The following IGF1R variants were observed in gnomAD, a reference collection of about 807,000 sequenced individuals.
IGF1R encodes insulin like growth factor 1 receptor, also known as insulin-like growth factor 1 receptor.
In IGF1R, 44 loss-of-function variants were observed where a neutral mutation model predicts 144.6. The observed-to-expected ratio is 0.30, with a 90% confidence interval of 0.24 to 0.39. The LOEUF is 0.39. Among genes scored for constraint, IGF1R ranks in the 10% least tolerant of loss-of-function variants. IGF1R has a pLI of 1.00. For synonymous variants in IGF1R, 795 were observed against 722.8 expected (o/e 1.10, Z -1.60); for missense variants, 1,355 against 1,833.7 (o/e 0.74, Z 4.77).
intron 2 of IGF1R, among the ~76,000 whole-genome samples, chr15:98,741,806 G>A (rs2054752729): frequency 6.6e-6 from 1 of 152,194 alleles, no homozygotes; most frequent in Admixed American, 6.5e-5. Context: ...TTAAAGGCAT[G>A]TCTCTGTTTT....
At chr15:98,708,648 TATG>T (rs1273471895) in intron 2 of IGF1R, among the ~76,000 whole-genome samples, 1 of 152,216 alleles carries the variant, frequency 6.6e-6, no homozygotes, top group African/African-American at 2.4e-5. Flanking sequence ...GTGATGATGT[TATG>T]ATACTCAGGT....
intron 1 of IGF1R, among the ~76,000 whole-genome samples, chr15:98,683,132 A>G (rs930802394): frequency 6.6e-6 from 1 of 151,888 alleles, no homozygotes; most frequent in African/African-American, 2.4e-5. Context: ...CTTTGTTTCC[A>G]TAGGATCTGA....
rs371288674 is a variant in IGF1R, at chr15:98,903,667, G to A, written c.1247+4046G>A. Among the ~76,000 whole-genome samples the A allele has an allele frequency of 2.6e-5, 4 of 152,348 alleles. No individual in the cohort carries two copies. In the South Asian group the frequency reaches 6.2e-4, roughly 24 times the overall value. Reference sequence around the variant, plus strand: ...AAGACCCACTGGAAACCATTCAGATGTTCATCAGCAGATGAGTGGATAGAA... The same window carrying A: ...AAGACCCACTGGAAACCATTCAGATATTCATCAGCAGATGAGTGGATAGAA... On this transcript the variant is annotated intron_variant, in intron 5 of 20. Transcript: ENST00000650285.
intron 1 of IGF1R, among the ~76,000 whole-genome samples, chr15:98,700,749 G>A (rs1047424697): frequency 6.6e-6 from 1 of 151,922 alleles, no homozygotes; most frequent in Non-Finnish European, 1.5e-5. Flanking sequence ...GCCTCCCAGG[G>A]TGTGCTCCTG....
intron 15 of IGF1R, 48 bp downstream of exon 15, chr15:98,930,353 C>A (rs375415953): frequency 1.4e-6 from 2 of 1,387,592 alleles, no homozygotes; most frequent in Non-Finnish European, 2.0e-6. Flanking sequence ...GCAGGTAGAT[C>A]GGGAGCTTTC....
intron 2 of IGF1R, among the ~76,000 whole-genome samples, chr15:98,763,151 A>G (rs1047060628): frequency 4.6e-5 from 7 of 152,232 alleles, no homozygotes; most frequent in African/African-American, 1.7e-4. Flanking sequence ...TAAAAGGAAA[A>G]GACAACTTTG....
intron 2 of IGF1R, among the ~76,000 whole-genome samples, chr15:98,815,700 C>T (rs2056682636): frequency 6.6e-6 from 1 of 152,086 alleles, no homozygotes; most frequent in African/African-American, 2.4e-5. Context: ...TTGTGTGACT[C>T]TGTGTGTTGG....
chr15:98,845,418 C>G (rs941279418), intron 2 of IGF1R, among the ~76,000 whole-genome samples: 3 of 116,420 alleles, frequency 2.6e-5, no homozygotes, highest in Admixed American at 8.3e-5. Flanking sequence ...CCTCCTCCCC[C>G]TCCCTCTTCC....
intron 11 of IGF1R, among the ~76,000 whole-genome samples, chr15:98,923,341 G>A (rs1164025537): frequency 6.6e-6 from 1 of 152,268 alleles, no homozygotes; most frequent in Non-Finnish European, 1.5e-5. Flanking sequence ...CTCACAGGCC[G>A]GGCTCGGGGC....
At chr15:98,829,259 C>T (rs1267943259) in intron 2 of IGF1R, among the ~76,000 whole-genome samples, 1 of 152,080 alleles carries the variant, frequency 6.6e-6, no homozygotes, top group Non-Finnish European at 1.5e-5. Flanking sequence ...TTCCCCTTCA[C>T]ACCTTTCGTG....
intron 2 of IGF1R, among the ~76,000 whole-genome samples, chr15:98,769,778 C>A (rs1441368934): frequency 6.6e-6 from 1 of 152,172 alleles, no homozygotes; most frequent in Non-Finnish European, 1.5e-5. Flanking sequence ...TTGTCATTCT[C>A]TTCTATTTTC....
intron 2 of IGF1R, among the ~76,000 whole-genome samples, chr15:98,868,206 G>A (rs1384126482): frequency 2.0e-5 from 3 of 151,620 alleles, no homozygotes; most frequent in South Asian, 2.1e-4. Flanking sequence ...AAAAATCAGA[G>A]CGTGGTGGTG....
intron 2 of IGF1R, among the ~76,000 whole-genome samples, chr15:98,816,849 A>T (rs1449625937): frequency 6.6e-6 from 1 of 152,174 alleles, no homozygotes; most frequent in East Asian, 1.9e-4. Context: ...TCTCATAACC[A>T]TGTGGCTCCA....
intron 1 of IGF1R, among the ~76,000 whole-genome samples, chr15:98,699,426 G>GT (rs1438142095): frequency 6.6e-6 from 1 of 152,156 alleles, no homozygotes; most frequent in Non-Finnish European, 1.5e-5. Flanking sequence ...TTCTAAGGGT[G>GT]TTTTTTGAAA....
intron 2 of IGF1R, among the ~76,000 whole-genome samples, chr15:98,764,551 C>T (rs940303338): frequency 6.6e-6 from 1 of 152,072 alleles, no homozygotes; most frequent in Non-Finnish European, 1.5e-5. Flanking sequence ...GCTTCTAGCA[C>T]AGAAAAGAGG....
intron 5 of IGF1R, among the ~76,000 whole-genome samples, chr15:98,902,368 T>C (rs1300286878): frequency 6.6e-6 from 1 of 152,094 alleles, no homozygotes; most frequent in Non-Finnish European, 1.5e-5. Context: ...CCTAATGTTT[T>C]AGAGGTTCAC....
intron 2 of IGF1R, among the ~76,000 whole-genome samples, chr15:98,887,744 C>T (rs147031926): frequency 2.6e-4 from 40 of 152,300 alleles, no homozygotes; most frequent in Middle Eastern, 3.4e-3. Context: ...ATCCATTATA[C>T]GACGTGAATT....
chr15:98,888,448 T>A (rs879379885), intron 2 of IGF1R, among the ~76,000 whole-genome samples: 244 of 152,050 alleles, frequency 1.6e-3, no homozygotes, highest in African/African-American at 5.6e-3. Context: ...AGTGTGTGTG[T>A]GTGTGTGTGT....
intron 1 of IGF1R, among the ~76,000 whole-genome samples, chr15:98,701,480 G>A (rs550769537): frequency 2.0e-5 from 3 of 151,858 alleles, no homozygotes; most frequent in African/African-American, 7.3e-5. Flanking sequence ...GGGACTACAG[G>A]TGCCCGCCAC....
Sources: allele counts gnomAD v4.1 joint callset (sites outside exome capture counted in the v4.1 genomes callset), GRCh38; gene constraint gnomAD v4.1.1; transcripts MANE v1.5; gene names NCBI Gene and HGNC (gene_info 2026-07-23, HGNC 2026-07-21).